EGFR: variants seen among roughly 807,000 people sequenced by gnomAD.
EGFR encodes epidermal growth factor receptor, also known as avian erythroblastic leukemia viral (v-erb-b) oncogene homolog.
Under a neutral mutation model 143.0 loss-of-function variants are expected in EGFR, and 58 were observed. The observed-to-expected ratio is 0.41, with a 90% confidence interval of 0.33 to 0.50. The LOEUF is 0.50. EGFR is among the 20% of genes least tolerant of loss of function. EGFR has a pLI of 0.39. For missense variants in EGFR, 1,307 were observed against 1,579.0 expected, an observed-to-expected ratio of 0.83 and a Z score of 2.92; for synonymous variants, 613 against 594.4, an observed-to-expected ratio of 1.03 and a Z score of -0.45.
chr7:55,103,872 C>T (rs1791966440), intron 1 of EGFR, among the ~76,000 whole-genome samples: 1 of 152,200 alleles, frequency 6.6e-6, no homozygotes, highest in South Asian at 2.1e-4. Context: ...AAGGATGCTG[C>T]ATAGAAGGCT....
intron 1 of EGFR, among the ~76,000 whole-genome samples, chr7:55,132,489 A>T (rs1014743534): frequency 1.3e-4 from 20 of 152,218 alleles, no homozygotes; most frequent in African/African-American, 4.8e-4. Flanking sequence ...AAGAAACTTT[A>T]TTTTTAGTGG....
At chr7:55,049,065 G>A (rs1788336413) in intron 1 of EGFR, among the ~76,000 whole-genome samples, 1 of 152,120 alleles carries the variant, frequency 6.6e-6, no homozygotes, top group South Asian at 2.1e-4. Context: ...AAAATAAATG[G>A]AAACGCACAT....
chr7:55,062,943 T>C (rs904708818), intron 1 of EGFR, among the ~76,000 whole-genome samples: 3 of 151,752 alleles, frequency 2.0e-5, no homozygotes, highest in African/African-American at 7.3e-5. Context: ...GTGCTTGAAA[T>C]TGGCTTTCGA....
Position 55,181,326 on chromosome 7 carries a change from C to A in EGFR, c.2317C>A (p.His773Asn). The A allele has an allele frequency of 6.2e-7, 1 of 1,614,208 alleles. No homozygotes were observed. The highest frequency in any genetic ancestry group is 1.1e-5 in the South Asian group (1 of 91,090). ...AYVMASVDNP[H>N]VCRLLGICLT... ...CGTGATGGCCAGCGTGGACAACCCC[C>A]ACGTGTGCCGCCTGCTGGGCATCTG... The change falls in exon 20 of 28, where the codon CAC (histidine) becomes AAC (asparagine). Residue 773 changes from histidine to asparagine, a missense_variant. Coordinates refer to ENST00000275493, the MANE Select transcript of EGFR (RefSeq NM_005228.5).
Position 55,210,192 on chromosome 7 carries a change from G to A in EGFR, c.*4575G>A, listed in dbSNP as rs1045018299. The A allele has an allele frequency of 5.9e-5, 9 of 152,066 alleles. No individual in the cohort carries two copies. Among genetic ancestry groups the A allele is most frequent in the Non-Finnish European group, 1.0e-4 (7 of 68,032 alleles). The allele number at this position is 152,066 out of a possible 1,614,324, so 9.4% of individuals were successfully genotyped here. A position where few individuals can be genotyped will look rare whatever the true frequency, so the allele number is the denominator to read the frequency against. ...TACATGTAAGAAAAGCAATAACATA[G>A]CACTTTGTTGGTTTATATATATAAT... On this transcript the variant is annotated 3_prime_UTR_variant, in exon 28 of 28. Transcript: ENST00000275493.
intron 1 of EGFR, among the ~76,000 whole-genome samples, chr7:55,080,548 A>G (rs1790402839): frequency 6.6e-6 from 1 of 152,140 alleles, no homozygotes; most frequent in South Asian, 2.1e-4. Flanking sequence ...GGAAGGTGTG[A>G]GCTTGGGGAG....
intron 1 of EGFR, among the ~76,000 whole-genome samples, chr7:55,053,570 G>A (rs1228217932): frequency 6.6e-6 from 1 of 152,244 alleles, no homozygotes; most frequent in East Asian, 1.9e-4. Flanking sequence ...AAATTGCGGA[G>A]CAATGCCTGT....
At chr7:55,019,487 T>G in intron 1 of EGFR, 122 bp downstream of exon 1, 2 of 438,550 alleles carry the variant, frequency 4.6e-6, no homozygotes, top group Non-Finnish European at 6.6e-6. Context: ...CCTTTCCTGT[T>G]TCCTTGAGAT....
At chr7:55,084,635 C>A (rs985999974) in intron 1 of EGFR, among the ~76,000 whole-genome samples, 1 of 152,206 alleles carries the variant, frequency 6.6e-6, no homozygotes, top group Non-Finnish European at 1.5e-5. Flanking sequence ...TACAAGGCTA[C>A]ACTTGGGAGG....
At chr7:55,157,515 G>A in intron 10 of EGFR, 148 bp from the exon 11 acceptor site, 1 of 746,630 alleles carries the variant, frequency 1.3e-6, no homozygotes, top group Non-Finnish European at 2.3e-6. Context: ...TGTACACTCA[G>A]AGAAGATGAT....
intron 1 of EGFR, among the ~76,000 whole-genome samples, chr7:55,107,801 G>A (rs1373440259): frequency 6.6e-6 from 1 of 152,132 alleles, no homozygotes; most frequent in African/African-American, 2.4e-5. Context: ...TCTTCCCCCT[G>A]TTCCCCCGTT....
chr7:55,095,495 A>T (rs1040765954), intron 1 of EGFR, among the ~76,000 whole-genome samples: 3 of 152,224 alleles, frequency 2.0e-5, no homozygotes, highest in African/African-American at 7.2e-5. Flanking sequence ...GGTTCAACAC[A>T]CAGCTCCCTG....
Position 55,209,417 on chromosome 7 carries a change from C to G in EGFR, c.*3800C>G, listed in dbSNP as rs538622539. On this transcript the variant is annotated 3_prime_UTR_variant, in exon 28 of 28. Coordinates refer to ENST00000275493, the MANE Select transcript of EGFR (RefSeq NM_005228.5). The stretch of plus-strand genomic sequence containing the variant: ...TCAGCTGGAAAGGGGCAAATACCCC[C>G]ACCTGAGCTTTGAAAACGCCCTGGG... 6.6e-6 allele frequency: 1 copy of G among 152,188 alleles called. No homozygotes were observed. 9.4% of individuals were successfully genotyped at this position (152,188 alleles called of 1,614,324 possible).
At chr7:55,032,645 G>T (rs1282938017) in intron 1 of EGFR, among the ~76,000 whole-genome samples, 4 of 152,118 alleles carry the variant, frequency 2.6e-5, no homozygotes, top group Non-Finnish European at 4.4e-5. Flanking sequence ...TTCTCTGACT[G>T]TCTCATGCTT....
chr7:55,029,323 T>C (rs2128861754), intron 1 of EGFR, among the ~76,000 whole-genome samples: 1 of 152,346 alleles, frequency 6.6e-6, no homozygotes, highest in South Asian at 2.1e-4. Flanking sequence ...TATAGATGTT[T>C]CTTGATTTTT....
At chr7:55,042,308 G>T (rs892950805) in intron 1 of EGFR, among the ~76,000 whole-genome samples, 1 of 152,192 alleles carries the variant, frequency 6.6e-6, no homozygotes, top group South Asian at 2.1e-4. Flanking sequence ...ATAACTGGTG[G>T]TTATCCAGTA....
At chr7:55,109,936 GAGA>G (rs1187526800) in intron 1 of EGFR, 1 of 985,326 alleles carries the variant, frequency 1.0e-6, no homozygotes, top group East Asian at 1.1e-4. Context: ...TCTCCGCGCT[GAGA>G]AGGTTATCCG....
At chr7:55,173,408 C>T (rs1786448631) in intron 17 of EGFR, among the ~76,000 whole-genome samples, 1 of 152,176 alleles carries the variant, frequency 6.6e-6, no homozygotes, top group Non-Finnish European at 1.5e-5. Flanking sequence ...GGCCAGGAAG[C>T]CTGGCTGTTG....
rs938780411 is a variant in EGFR, at chr7:55,209,304, A to G, written c.*3687A>G. 1 of 152,174 alleles carries G rather than the reference A, an allele frequency of 6.6e-6. No individual in the cohort carries two copies. The highest frequency in any genetic ancestry group is 2.4e-5 in the African/African-American group (1 of 41,444). 9.4% of individuals were successfully genotyped at this position (152,174 alleles called of 1,614,324 possible). On this transcript the variant is annotated 3_prime_UTR_variant, in exon 28 of 28. Transcript: ENST00000275493. Reference sequence around the variant, plus strand: ...AAGGCTGGGTAGGGTAGAGATTCCCATGTGCAGTGGAGAGAACAATCTGCA... The same window carrying G: ...AAGGCTGGGTAGGGTAGAGATTCCCGTGTGCAGTGGAGAGAACAATCTGCA...
Sources: gnomAD v4.1 joint callset for allele counts (sites outside exome capture counted in the v4.1 genomes callset) on GRCh38, gnomAD v4.1.1 for gene constraint, MANE v1.5 for transcripts, NCBI Gene and HGNC (gene_info 2026-07-23, HGNC 2026-07-21) for gene names.